Variants in FBXO38 observed in about 807,000 individuals in gnomAD.
FBXO38 encodes F-box protein 38, also known as F-box only protein 38.
FBXO38 carries 53 observed loss-of-function variants against 131.9 expected under a neutral mutation model. The ratio of observed to expected loss-of-function variants is 0.40; its 90% CI spans 0.32 to 0.51. FBXO38 has a LOEUF of 0.51. FBXO38 is among the 20% of genes least tolerant of loss of function. The probability of loss-of-function intolerance (pLI) is 0.53; values close to 1 mark genes in which losing one functional copy is unlikely to be tolerated. For missense variants in FBXO38, 1,076 were observed against 1,475.6 expected (o/e 0.73, Z 4.44); for synonymous variants, 452 against 505.6 (o/e 0.89, Z 1.42).
At chr5:148,423,489 A>G (rs956494232) in intron 12 of FBXO38, among the ~76,000 whole-genome samples, 1 of 152,230 alleles carries the variant, frequency 6.6e-6, no homozygotes, top group African/African-American at 2.4e-5. Context: ...AAAGAAGAAA[A>G]TTGATTGGCT....
rs541105903 is a variant in FBXO38, at chr5:148,410,987, C to T, written c.1093+222C>T. ...ATATTATAGAAAATATAGTTACTAA[C>T]AATACACCAGAAAAAGAACCTTATC... On this transcript the variant is annotated intron_variant, in intron 9 of 21. Transcript: ENST00000340253. The T allele has an allele frequency of 6.7e-6, 3 of 448,800 alleles. No homozygotes were observed. The East Asian group carries it at 1.2e-4, about 18-fold the overall frequency. 27.8% of individuals were successfully genotyped at this position (448,800 alleles called of 1,614,324 possible).
At chr5:148,397,346 A>G (rs1758536523) in intron 2 of FBXO38, among the ~76,000 whole-genome samples, 1 of 152,148 alleles carries the variant, frequency 6.6e-6, no homozygotes, top group African/African-American at 2.4e-5. Flanking sequence ...ATATGATGTA[A>G]AATAATCTTG....
rs1752193064 is a variant in FBXO38 at position 148,402,160 on chromosome 5, T to C, written c.426+15T>C. On this transcript the variant is annotated intron_variant, in intron 4 of 21. Coordinates refer to ENST00000340253, the MANE Select transcript of FBXO38 (RefSeq NM_205836.3). ...CAAACTTAGTGGTGAGTGCACCTGG[T>C]TGAACATTTTGGCATCAACTGTTTA... 1 of 1,597,514 alleles carries C rather than the reference T, an allele frequency of 6.3e-7. No individual in the cohort carries two copies.
At chr5:148,408,697 T>C (rs1251510803) in intron 7 of FBXO38, among the ~76,000 whole-genome samples, 1 of 152,236 alleles carries the variant, frequency 6.6e-6, no homozygotes, top group Non-Finnish European at 1.5e-5. Flanking sequence ...ATTAGTAATT[T>C]ATGTTCTTTT....
intron 3 of FBXO38, 75 bp downstream of exon 3, chr5:148,399,207 T>C: frequency 1.3e-6 from 2 of 1,543,470 alleles, no homozygotes; most frequent in Non-Finnish European, 1.8e-6. Flanking sequence ...AAAAAGTTAC[T>C]TGTTGTCTTG....
intron 10 of FBXO38, 124 bp downstream of exon 10, chr5:148,414,430 T>G (rs1752937928): frequency 4.4e-6 from 4 of 912,852 alleles, no homozygotes; most frequent in Admixed American, 3.2e-5. Flanking sequence ...TTTGGATTGT[T>G]CATACAAGTT....
At chr5:148,404,540 G>C (rs1297440345) in intron 5 of FBXO38, 145 bp from the exon 6 acceptor site, 6 of 710,974 alleles carry the variant, frequency 8.4e-6, no homozygotes, top group African/African-American at 1.9e-5. Context: ...AGGCAAACTT[G>C]ATAGATTTTG....
intron 3 of FBXO38, among the ~76,000 whole-genome samples, chr5:148,401,066 A>G (rs1752126311): frequency 6.6e-6 from 1 of 152,150 alleles, no homozygotes; most frequent in African/African-American, 2.4e-5. Flanking sequence ...TAAAAATAAA[A>G]CAACTTTCAA....
At chr5:148,393,188 GGTGTGTGTGTGTGTGTGTGTGTGT>G (rs60593654) in intron 1 of FBXO38, among the ~76,000 whole-genome samples, 68 of 127,082 alleles carry the variant, frequency 5.4e-4, no homozygotes, top group African/African-American at 1.6e-3. Context: ...ACAGAAGAGG[GGTGTGTGTGTGTGTGTGTGTGTGT>G]GTGTGTGTGT....
chr5:148,433,629 T>C lies in FBXO38; in HGVS notation c.2755-6T>C. The stretch of plus-strand genomic sequence containing the variant: ...TTTATATAGTTTCTAATTTTTCTGC[T>C]TGTAGGTTCTTGTATTAAAATCCAA... On this transcript the variant is annotated splice_polypyrimidine_tract_variant and splice_region_variant and intron_variant, in intron 16 of 21. Coordinates refer to ENST00000340253, the MANE Select transcript of FBXO38 (RefSeq NM_205836.3). The C allele has an allele frequency of 1.9e-6, 3 of 1,587,770 alleles. No homozygotes were observed. The highest frequency in any genetic ancestry group is 2.6e-6 in the Non-Finnish European group (3 of 1,165,960).
In FBXO38 at chr5:148,427,717, C is replaced by G; in HGVS notation, c.2423C>G (p.Pro808Arg). Residue 808 changes from proline (P) to arginine (R), a missense_variant, in exon 15 of 22, where the codon CCG becomes CGG. Transcript: ENST00000340253. ...AGCCGAGCCTGTGTTGTGAATGGCC[C>G]GGATGGTACGAGATCCGCCTTTTCC... ...STSRACVVNG[P>R]DGTRSAFSFR... The G allele has an allele frequency of 1.9e-6, 3 of 1,614,050 alleles. No homozygotes were observed. Among genetic ancestry groups the G allele is most frequent in the Non-Finnish European group, 2.5e-6 (3 of 1,179,994 alleles).
intron 15 of FBXO38, among the ~76,000 whole-genome samples, chr5:148,428,525 A>G (rs1753856755): frequency 6.6e-6 from 1 of 152,236 alleles, no homozygotes; most frequent in Admixed American, 6.5e-5. Context: ...AATTTCATTA[A>G]TGTTTATAAT....
chr5:148,432,933 C>T lies in FBXO38; in HGVS notation c.2654-491C>T, dbSNP rs76385478. ...TATTTCAAAAAGTAAGGTCAGAAAA[C>T]GTGTTCTGGGCAGAAGGAGCTAGAG... is the stretch of plus-strand genomic sequence containing the variant. On this transcript the variant is annotated intron_variant, in intron 15 of 21. Transcript: ENST00000340253. Among the ~76,000 whole-genome samples, 848 of 152,248 alleles carry T rather than the reference C, an allele frequency of 5.6e-3. 32 individuals are homozygous for T. In the East Asian group the frequency reaches 0.1, roughly 19 times the overall value.
intron 1 of FBXO38, among the ~76,000 whole-genome samples, chr5:148,389,108 G>A (rs1165366772): frequency 2.0e-5 from 3 of 152,174 alleles, no homozygotes; most frequent in Non-Finnish European, 4.4e-5. Flanking sequence ...CTAGCCAGTG[G>A]AGCAGTTAGA....
chr5:148,384,536 T>C (rs1449572855), intron 1 of FBXO38, among the ~76,000 whole-genome samples: 1 of 152,136 alleles, frequency 6.6e-6, no homozygotes, highest in African/African-American at 2.4e-5. Context: ...GTTTCACCCC[T>C]TCCACCTACA....
Position 148,442,292 on chromosome 5 carries a change from T to G in FBXO38, c.*145T>G, listed in dbSNP as rs941953936. 19 of 536,196 alleles carry G rather than the reference T, an allele frequency of 3.5e-5. No individual in the cohort carries two copies. In the African/African-American group the frequency reaches 3.6e-4, roughly 10 times the overall value. The allele number at this position is 536,196 out of a possible 1,614,324, so 33.2% of individuals were successfully genotyped here. A position where few individuals can be genotyped will look rare whatever the true frequency, so the allele number is the denominator to read the frequency against. ...AGGGAATATATAAGGAACATCGAAA[T>G]TGTATACAAAGATTTGTACATAAAA... On this transcript the variant is annotated 3_prime_UTR_variant, in exon 22 of 22. Coordinates refer to ENST00000340253, the MANE Select transcript of FBXO38 (RefSeq NM_205836.3).
chr5:148,414,180 G>A lies in FBXO38; in HGVS notation c.1138G>A (p.Val380Met). ...TCTGGTGAAGTATGGTTTGGCTGAT[G>A]TGGTAGAAAATCCTGGTATCATCAC... ...ADLVKYGLAD[V>M]VENPGIITDI... The change falls in exon 10 of 22, where the codon GTG becomes ATG. Residue 380 changes from valine to methionine, a missense_variant. By Grantham distance (21) the Val-to-Met change is conservative (BLOSUM62 1). Transcript: ENST00000340253. 1 of 1,612,204 alleles carries A rather than the reference G, an allele frequency of 6.2e-7. No homozygotes were observed. The highest frequency in any genetic ancestry group is 8.5e-7 in the Non-Finnish European group (1 of 1,179,320).
intron 18 of FBXO38, 130 bp from the exon 19 acceptor site, chr5:148,439,517 A>G (rs1754549818): frequency 1.1e-6 from 1 of 905,548 alleles, no homozygotes; most frequent in Non-Finnish European, 1.7e-6. Flanking sequence ...TCTGAATGTG[A>G]CTATTTGATT....
intron 15 of FBXO38, among the ~76,000 whole-genome samples, chr5:148,428,262 A>G (rs550910169): frequency 2.2e-4 from 33 of 152,204 alleles, no homozygotes; most frequent in Non-Finnish European, 3.8e-4. Context: ...GCCATCACAC[A>G]CTTAGAGAAG....
Sources: gnomAD v4.1 joint callset for allele counts (sites outside exome capture counted in the v4.1 genomes callset) on GRCh38, gnomAD v4.1.1 for gene constraint, MANE v1.5 for transcripts, NCBI Gene and HGNC (gene_info 2026-07-23, HGNC 2026-07-21) for gene names.